The following ATP6V0A2 variants were observed in gnomAD, a reference collection of about 807,000 sequenced individuals.
The protein encoded by ATP6V0A2 is ATPase H+ transporting V0 subunit a2.
ATP6V0A2 carries 58 observed loss-of-function variants against 104.4 expected under a neutral mutation model. The ratio of observed to expected loss-of-function variants is 0.56; its 90% CI spans 0.45 to 0.69. The LOEUF is 0.69. ATP6V0A2 is among the 30% of genes least tolerant of loss of function. The pLI, the probability that ATP6V0A2 is intolerant of heterozygous loss-of-function variation, is 0.00. For synonymous variants in ATP6V0A2, 376 were observed against 397.9 expected (o/e 0.95, Z 0.65); for missense variants, 938 against 1,062.9 (o/e 0.88, Z 1.63).
intron 4 of ATP6V0A2, 61 bp downstream of exon 4, chr12:123,724,852 C>T: frequency 6.8e-7 from 1 of 1,460,472 alleles, no homozygotes; most frequent in Non-Finnish European, 9.6e-7. Context: ...ATAAAAATCT[C>T]ATTCCCATAG....
chr12:123,756,919 T>C lies in ATP6V0A2; in HGVS notation c.2398T>C (p.Leu800=). 1 of 1,614,220 alleles carries C rather than the reference T, an allele frequency of 6.2e-7. No homozygotes were observed. Among genetic ancestry groups the C allele is most frequent in the South Asian group, 1.1e-5 (1 of 91,080 alleles). The change falls in exon 19 of 20, where the codon TTG becomes CTG. Residue 800 remains leucine, a synonymous_variant. Transcript: ENST00000330342. ...LLPVIALFAV[L]TIFILLIMEG... is the part of the protein sequence containing the mutation. ...CCCGGTTATCGCGCTCTTTGCAGTT[T>C]TGACCATTTTCATCCTTCTGATCAT...
chr12:123,745,049 A>C, intron 13 of ATP6V0A2, 77 bp downstream of exon 13: 1 of 1,402,260 alleles, frequency 7.1e-7, no homozygotes, highest in South Asian at 1.2e-5. Flanking sequence ...GAGTTTCTCT[A>C]GACTGTTGAG....
chr12:123,757,266 C>A (rs368689414), intron 19 of ATP6V0A2, among the ~76,000 whole-genome samples: 1 of 152,048 alleles, frequency 6.6e-6, no homozygotes, highest in Non-Finnish European at 1.5e-5. Context: ...CATGATGAAA[C>A]CCTGTCTCTA....
In ATP6V0A2 at chr12:123,751,237, CG is replaced by C. The variant is rs1956711371; in HGVS notation, c.2055+11del. Reference sequence around the variant, plus strand: ...TGCTTCGGGGTGAACCGGGTAAGTGCGGGTTTGGATGCATTTACAACTGTGA... The same window carrying C: ...TGCTTCGGGGTGAACCGGGTAAGTGCGGTTTGGATGCATTTACAACTGTGA... On this transcript the variant is annotated intron_variant, in intron 16 of 19. Transcript: ENST00000330342. 1.2e-6 allele frequency: 2 copies of C among 1,613,946 alleles called. No individual in the cohort carries two copies. Among genetic ancestry groups the C allele is most frequent in the African/African-American group, 1.3e-5 (1 of 74,878 alleles).
intron 14 of ATP6V0A2, 70 bp downstream of exon 14, chr12:123,747,795 TTGG>T: frequency 1.0e-6 from 1 of 989,662 alleles, no homozygotes; most frequent in Non-Finnish European, 1.6e-6. Flanking sequence ...TTGCTTCTTG[TTGG>T]TGACTGTATT....
rs1019057071 is a variant in ATP6V0A2, at chr12:123,758,601, A to G, written c.*569A>G. The G allele has an allele frequency of 2.0e-5, 3 of 151,808 alleles. No individual in the cohort carries two copies. Among genetic ancestry groups the G allele is most frequent in the African/African-American group, 4.8e-5 (2 of 41,260 alleles). The allele number at this position is 151,808 out of a possible 1,614,324, so 9.4% of individuals were successfully genotyped here. On this transcript the variant is annotated 3_prime_UTR_variant, in exon 20 of 20. Coordinates refer to ENST00000330342, the MANE Select transcript of ATP6V0A2 (RefSeq NM_012463.4). Reference sequence around the variant, plus strand: ...AATGGCACGATCGTGTCTCATTGCAACTTCCGCCTCCTGGATTCAGGTGAT... The same window carrying G: ...AATGGCACGATCGTGTCTCATTGCAGCTTCCGCCTCCTGGATTCAGGTGAT...
intron 9 of ATP6V0A2, among the ~76,000 whole-genome samples, chr12:123,739,515 A>G (rs770256875): frequency 1.4e-4 from 22 of 152,228 alleles, no homozygotes; most frequent in African/African-American, 2.6e-4. Context: ...GATCAGGTAC[A>G]CAGGGGTCTC....
At chr12:123,737,510 A>C in intron 9 of ATP6V0A2, 1 of 481,754 alleles carries the variant, frequency 2.1e-6, no homozygotes, top group Non-Finnish European at 3.8e-6. Flanking sequence ...CAGCCTCCCA[A>C]AGTGCTGGGA....
At chr12:123,727,663 T>G in intron 5 of ATP6V0A2, 120 bp from the exon 6 acceptor site, 1 of 1,215,012 alleles carries the variant, frequency 8.2e-7, no homozygotes, top group Admixed American at 1.7e-5. Flanking sequence ...TGTTTTGCAG[T>G]TGGAGGGCTC....
At chr12:123,730,044 CTTTTTTTTTT>C (rs776847603) in intron 6 of ATP6V0A2, among the ~76,000 whole-genome samples, 1 of 70,308 alleles carries the variant, frequency 1.4e-5, no homozygotes, top group Non-Finnish European at 2.6e-5. Flanking sequence ...GGAGTTAGGT[CTTTTTTTTTT>C]TTTTTTTTTT....
chr12:123,748,103 T>C (rs527698122), intron 14 of ATP6V0A2, among the ~76,000 whole-genome samples: 2 of 152,320 alleles, frequency 1.3e-5, no homozygotes, highest in Admixed American at 6.5e-5. Flanking sequence ...AAAATCTTTT[T>C]GTTTTTACTT....
At chr12:123,721,556 T>G (rs1956400033) in intron 2 of ATP6V0A2, 2 of 197,504 alleles carry the variant, frequency 1.0e-5, no homozygotes, top group Non-Finnish European at 2.2e-5. Flanking sequence ...ATCATCAGTT[T>G]TCTTCATGAG....
intron 8 of ATP6V0A2, among the ~76,000 whole-genome samples, chr12:123,736,499 T>C (rs1237523629): frequency 6.6e-6 from 1 of 152,182 alleles, no homozygotes; most frequent in African/African-American, 2.4e-5. Context: ...GTCTGGATTG[T>C]AATTCTTGAT....
At chr12:123,755,479 T>A (rs1025859382) in intron 18 of ATP6V0A2, among the ~76,000 whole-genome samples, 1 of 145,728 alleles carries the variant, frequency 6.9e-6, no homozygotes, top group Non-Finnish European at 1.5e-5. Flanking sequence ...GAGGTTGCAG[T>A]GAGCCAAGAT....
chr12:123,722,446 C>G lies in ATP6V0A2; in HGVS notation c.292C>G (p.Gln98Glu). 3 of 1,599,306 alleles carry G rather than the reference C, an allele frequency of 1.9e-6. No homozygotes were observed. The highest frequency in any genetic ancestry group is 2.6e-6 in the Non-Finnish European group (3 of 1,166,514). The change falls in exon 3 of 20, where the codon CAG becomes GAG. Residue 98 changes from glutamine (Q) to glutamate (E), a missense_variant and splice_region_variant. Gln to Glu is a conservative substitution (Grantham distance 29, BLOSUM62 2). Transcript: ENST00000330342. ...APPLKQVLEM[Q>E]EQLQKLEVEL... is the part of the protein sequence containing the mutation. The stretch of plus-strand genomic sequence containing the variant: ...ACCCCTGAAACAGGTTCTAGAAATG[C>G]AGGTAACTTGCTTCTGACGAAGCTG...
At position 123,743,871 on chromosome 12, in the gene ATP6V0A2, C is replaced by G; in HGVS notation, c.1125C>G (p.Phe375Leu). Residue 375 changes from phenylalanine (F) to leucine (L), a missense_variant, in exon 10 of 20, where the codon TTC becomes TTG. Transcript: ENST00000330342. ...CCACTCGGATCCGCACCAACAAATT[C>G]ACCGAGGGATTTCAGAACATCGTGG... ...TPPTRIRTNK[F>L]TEGFQNIVDA... 6.2e-7 allele frequency: 1 copy of G among 1,614,188 alleles called. No individual in the cohort carries two copies. Among genetic ancestry groups the G allele is most frequent in the Non-Finnish European group, 8.5e-7 (1 of 1,180,032 alleles).
chr12:123,748,583 G>A lies in ATP6V0A2; in HGVS notation c.1733G>A (p.Arg578Lys), dbSNP rs1416379430. The change falls in exon 15 of 20, where the codon AGG becomes AAG. Residue 578 changes from arginine to lysine, a missense_variant. Coordinates refer to ENST00000330342, the MANE Select transcript of ATP6V0A2 (RefSeq NM_012463.4). Reference protein sequence around the residue: ...ILGIFNHLHFRKKFNIYLVSI... With the variant: ...ILGIFNHLHFKKKFNIYLVSI... ...TTCCTTTTCTTTCCTAGGCACTTCA[G>A]GAAGAAGTTCAACATTTACCTGGTT... 1.2e-6 allele frequency: 2 copies of A among 1,612,338 alleles called. No individual in the cohort carries two copies. Among genetic ancestry groups the A allele is most frequent in the Non-Finnish European group, 1.7e-6 (2 of 1,178,490 alleles).
chr12:123,750,668 A>G, intron 15 of ATP6V0A2: 1 of 198,396 alleles, frequency 5.0e-6, no homozygotes, highest in South Asian at 8.7e-5. Context: ...ATTCTCTTCC[A>G]CGATTTTCTG....
intron 1 of ATP6V0A2, among the ~76,000 whole-genome samples, chr12:123,715,261 G>A (rs1343425516): frequency 1.3e-5 from 2 of 152,138 alleles, no homozygotes; most frequent in Non-Finnish European, 2.9e-5. Flanking sequence ...AAGCTGAGAA[G>A]TAGTATCCTG....
Sources: gnomAD v4.1 joint callset for allele counts (sites outside exome capture counted in the v4.1 genomes callset) on GRCh38, gnomAD v4.1.1 for gene constraint, MANE v1.5 for transcripts, NCBI Gene and HGNC (gene_info 2026-07-23, HGNC 2026-07-21) for gene names.